The following POU6F2 variants were observed in gnomAD, a reference collection of about 807,000 sequenced individuals.
The protein encoded by POU6F2 is POU class 6 homeobox 2, also known as POU domain, class 6, transcription factor 2.
POU6F2 carries 31 observed loss-of-function variants against 71.3 expected under a neutral mutation model. The observed-to-expected ratio is 0.43, with a 90% CI of 0.33 to 0.59. The LOEUF is 0.59. POU6F2 is among the 20% of genes least tolerant of loss of function. The probability of loss-of-function intolerance (pLI) is 0.04; values close to 1 mark genes in which losing one functional copy is unlikely to be tolerated. For missense variants in POU6F2, 783 were observed against 856.8 expected (o/e 0.91, Z 1.07); for synonymous variants, 347 against 355.7 (o/e 0.98, Z 0.27).
chr7:39,372,672 A>G (rs1452283216), intron 5 of POU6F2, among the ~76,000 whole-genome samples: 1 of 152,260 alleles, frequency 6.6e-6, no homozygotes, highest in Non-Finnish European at 1.5e-5. Flanking sequence ...TTGATCACAC[A>G]TCTAAGCACC....
intron 6 of POU6F2, among the ~76,000 whole-genome samples, chr7:39,419,624 A>G (rs1286493928): frequency 3.9e-5 from 6 of 152,172 alleles, no homozygotes; most frequent in Admixed American, 6.6e-5. Context: ...TCTCATGAAA[A>G]TGGCAATTGT....
intron 2 of POU6F2, among the ~76,000 whole-genome samples, chr7:39,092,375 G>T (rs1440168426): frequency 2.0e-5 from 3 of 151,966 alleles, no homozygotes; most frequent in Non-Finnish European, 4.4e-5. Context: ...TTTTTGTTCA[G>T]CTTTTCTTTT....
At chr7:39,310,988 G>A (rs1421680717) in intron 4 of POU6F2, among the ~76,000 whole-genome samples, 2 of 152,136 alleles carry the variant, frequency 1.3e-5, no homozygotes, top group African/African-American at 2.4e-5. Context: ...TGAATTGGGG[G>A]GACAGTTAGG....
intron 6 of POU6F2, among the ~76,000 whole-genome samples, chr7:39,420,727 C>G (rs2073546): frequency 0.36 from 54,349 of 151,976 alleles, 11,186 homozygotes; most frequent in East Asian, 0.61. Context: ...CATTATTCCA[C>G]CTTTTCCATT....
intron 5 of POU6F2, among the ~76,000 whole-genome samples, chr7:39,392,706 G>A (rs1171173842): frequency 1.3e-5 from 2 of 152,090 alleles, no homozygotes; most frequent in African/African-American, 2.4e-5. Flanking sequence ...CTCAATTTAC[G>A]GACAGGAACA....
chr7:39,188,759 A>G (rs555337084), intron 2 of POU6F2, among the ~76,000 whole-genome samples: 1 of 152,292 alleles, frequency 6.6e-6, no homozygotes, highest in Admixed American at 6.5e-5. Context: ...TGGATAAACA[A>G]CCCGTCTAAG....
intron 1 of POU6F2, among the ~76,000 whole-genome samples, chr7:39,010,360 G>A (rs1421045016): frequency 6.6e-4 from 96 of 145,240 alleles, no homozygotes; most frequent in African/African-American, 2.1e-3. Context: ...CTGTGGGATC[G>A]GTGGTGATAT....
intron 1 of POU6F2, among the ~76,000 whole-genome samples, chr7:39,035,402 C>T (rs961345706): frequency 1.3e-5 from 2 of 152,028 alleles, no homozygotes; most frequent in Admixed American, 6.6e-5. Context: ...AGGGAAGGCA[C>T]TGGCGTTTTC....
chr7:39,301,862 C>T (rs886439626), intron 4 of POU6F2, among the ~76,000 whole-genome samples: 24 of 152,188 alleles, frequency 1.6e-4, no homozygotes, highest in African/African-American at 5.8e-4. Context: ...CACAGACATA[C>T]TTTGTTGACT....
chr7:39,126,921 T>A lies in POU6F2; in HGVS notation c.277+40890T>A, dbSNP rs538197523. ...AGACTTTAAAAGCAGTGAAATATGG[T>A]TTTGACCATCACAGCCCAGTAGAAA... On this transcript the variant is annotated intron_variant, in intron 2 of 9. Coordinates refer to ENST00000518318, the MANE Select transcript of POU6F2 (RefSeq NM_001370959.1). Among the ~76,000 whole-genome samples the A allele has an allele frequency of 3.3e-4, 50 of 152,266 alleles. No homozygotes were observed. The Middle Eastern group carries it at 0.01, about 31-fold the overall frequency.
chr7:39,070,831 ATCGTATTTACTTATT>A (rs1482796266), intron 1 of POU6F2, among the ~76,000 whole-genome samples: 1 of 152,192 alleles, frequency 6.6e-6, no homozygotes, highest in Admixed American at 6.5e-5. Context: ...ACTACTCAAC[ATCGTATTTACTTATT>A]TCGCTTTTGC....
chr7:39,134,520 T>C (rs1279087065), intron 2 of POU6F2, among the ~76,000 whole-genome samples: 2 of 152,238 alleles, frequency 1.3e-5, no homozygotes, highest in African/African-American at 2.4e-5. Flanking sequence ...TGTCTTTACA[T>C]TGGAGCTCAG....
chr7:39,281,966 T>G (rs1784571271), intron 4 of POU6F2, among the ~76,000 whole-genome samples: 1 of 152,136 alleles, frequency 6.6e-6, no homozygotes, highest in African/African-American at 2.4e-5. Flanking sequence ...TGAGCATTCA[T>G]TATTTTTTGT....
At chr7:39,423,477 G>C (rs1351987733) in intron 6 of POU6F2, among the ~76,000 whole-genome samples, 1 of 79,522 alleles carries the variant, frequency 1.3e-5, no homozygotes, top group Non-Finnish European at 2.6e-5. Context: ...GATTTGCTGA[G>C]TGAGTGAGTG....
chr7:39,406,803 AT>A, intron 6 of POU6F2, 63 bp downstream of exon 6: 2 of 1,586,030 alleles, frequency 1.3e-6, no homozygotes, highest in South Asian at 2.2e-5. Context: ...AAGGAATTGA[AT>A]TTCTTTTGCA....
intron 6 of POU6F2, among the ~76,000 whole-genome samples, chr7:39,426,989 T>C (rs189897018): frequency 1.2e-4 from 18 of 152,336 alleles, no homozygotes; most frequent in Non-Finnish European, 7.3e-5. Flanking sequence ...TTAAATTATA[T>C]TTCATAATAA....
chr7:39,451,639 C>T lies in POU6F2; in HGVS notation c.1427C>T (p.Ala476Val), dbSNP rs140486504. 2 of 1,612,290 alleles carry T rather than the reference C, an allele frequency of 1.2e-6. No homozygotes were observed. The highest frequency in any genetic ancestry group is 1.1e-5 in the South Asian group (1 of 90,508). Residue 476 changes from alanine to valine, a missense_variant, in exon 8 of 10, where the codon GCT (alanine) becomes GTT (valine). By Grantham distance (64) the Ala-to-Val change is moderately conservative (BLOSUM62 0). Coordinates refer to ENST00000518318, the MANE Select transcript of POU6F2 (RefSeq NM_001370959.1). Reference sequence around the variant, plus strand: ...ATGTCTCAAAGTCCCGTCCGGCAGGCTTCCTCTTCTTCCTCCTCATCCTCC... The same window carrying T: ...ATGTCTCAAAGTCCCGTCCGGCAGGTTTCCTCTTCTTCCTCCTCATCCTCC... ...ASMSQSPVRQASSSSSSSSSS... is the reference protein window; with the variant it reads ...ASMSQSPVRQVSSSSSSSSSS...
intron 5 of POU6F2, among the ~76,000 whole-genome samples, chr7:39,369,782 C>T (rs1463776647): frequency 1.3e-5 from 2 of 151,990 alleles, no homozygotes; most frequent in Non-Finnish European, 2.9e-5. Context: ...CTCCCAGGCT[C>T]AAGTGATCCT....
chr7:39,383,136 G>T (rs1420554790), intron 5 of POU6F2, among the ~76,000 whole-genome samples: 2 of 152,068 alleles, frequency 1.3e-5, no homozygotes, highest in African/African-American at 4.8e-5. Context: ...GGATTGATGT[G>T]GTTTTAATTT....
Sources: gnomAD v4.1 joint callset for allele counts (sites outside exome capture counted in the v4.1 genomes callset) on GRCh38, gnomAD v4.1.1 for gene constraint, MANE v1.5 for transcripts, NCBI Gene and HGNC (gene_info 2026-07-23, HGNC 2026-07-21) for gene names.